The following CACNA2D1 variants were observed in gnomAD, a reference collection of about 807,000 sequenced individuals.
CACNA2D1 encodes the protein voltage-dependent calcium channel subunit alpha-2/delta-1.
Under a neutral mutation model 171.5 loss-of-function variants are expected in CACNA2D1, and 53 were observed. The ratio of observed to expected loss-of-function variants is 0.31; its 90% CI spans 0.25 to 0.39. The LOEUF (loss-of-function observed/expected upper bound fraction) is 0.39, where lower values mean the gene tolerates loss of function less well. Among genes scored for constraint, CACNA2D1 ranks in the 10% least tolerant of loss-of-function variants. The pLI is 1.00. For synonymous variants in CACNA2D1, 442 were observed against 443.1 expected (o/e 1.00, Z 0.03); for missense variants, 903 against 1,299.8 (o/e 0.69, Z 4.69).
intron 1 of CACNA2D1, among the ~76,000 whole-genome samples, chr7:82,426,282 C>G (rs916012617): frequency 6.6e-6 from 1 of 151,856 alleles, no homozygotes; most frequent in Non-Finnish European, 1.5e-5. Context: ...TTTGTATCCA[C>G]GTTGAGGATC....
intron 12 of CACNA2D1, among the ~76,000 whole-genome samples, chr7:82,025,841 C>G (rs933509893): frequency 1.3e-5 from 2 of 151,658 alleles, no homozygotes; most frequent in African/African-American, 4.8e-5. Flanking sequence ...CCAGATTGAT[C>G]ATCTGTCTGG....
chr7:82,046,452 T>C (rs1804570489), intron 10 of CACNA2D1, among the ~76,000 whole-genome samples: 1 of 152,132 alleles, frequency 6.6e-6, no homozygotes, highest in Admixed American at 6.6e-5. Context: ...AAAAGAAACA[T>C]ATTGAGAATG....
At chr7:81,955,897 T>G (rs1373622185) in intron 38 of CACNA2D1, among the ~76,000 whole-genome samples, 1 of 15,072 alleles carries the variant, frequency 6.6e-5, no homozygotes, top group Non-Finnish European at 1.5e-4. Context: ...AGGAAAATGT[T>G]ATTTTGGTGG....
At chr7:81,996,588 TA>T (rs1798070282) in intron 19 of CACNA2D1, among the ~76,000 whole-genome samples, 1 of 151,778 alleles carries the variant, frequency 6.6e-6, no homozygotes, top group African/African-American at 2.4e-5. Flanking sequence ...TAATTTGAAA[TA>T]AAAATACCTA....
rs1307545208 is a variant in CACNA2D1 at position 82,001,524 on chromosome 7, A to G, written c.1590+3899T>C. ...TCCAGCTTATTAAGAAATGATGCTC[A>G]TCTCATTTCATGCTCTGGAAGCTTG... On this transcript the variant is annotated intron_variant, in intron 18 of 38. Coordinates refer to ENST00000356860, the MANE Select transcript of CACNA2D1 (RefSeq NM_000722.4). The G allele has an allele frequency of 1.1e-5, 3 of 283,640 alleles. No homozygotes were observed. The Admixed American group carries it at 1.3e-4, about 12-fold the overall frequency. The allele number at this position is 283,640 out of a possible 1,614,324, so 17.6% of individuals were successfully genotyped here. A position where few individuals can be genotyped will look rare whatever the true frequency, so the allele number is the denominator to read the frequency against.
intron 3 of CACNA2D1, among the ~76,000 whole-genome samples, chr7:82,200,166 G>A (rs1357488214): frequency 6.6e-6 from 1 of 151,960 alleles, no homozygotes; most frequent in Admixed American, 6.6e-5. Context: ...AGCAAAATAT[G>A]GTATAGAAAT....
In CACNA2D1 at chr7:81,976,842, G is replaced by A. The variant is rs530397795; in HGVS notation, c.1956-2290C>T. 7.9e-5 allele frequency among the ~76,000 whole-genome samples: 12 copies of A among 152,162 alleles called. No individual in the cohort carries two copies. In the South Asian group the frequency reaches 1.5e-3, roughly 18 times the overall value. ...ACACTCCAGCCTGAGAAACAAAAGC[G>A]AGACTGTATCTCAAAAAATAAAAAA... On this transcript the variant is annotated intron_variant, in intron 24 of 38. Transcript: ENST00000356860.
At chr7:82,073,516 T>A (rs762486701) in intron 7 of CACNA2D1, among the ~76,000 whole-genome samples, 2 of 152,212 alleles carry the variant, frequency 1.3e-5, no homozygotes, top group Non-Finnish European at 1.5e-5. Context: ...TATTGTAATA[T>A]ACATAAAAAC....
rs4019047 is a variant in CACNA2D1, at chr7:82,012,254, G to GAAA, written c.1273-14_1273-12dup. 41,976 of 1,204,892 alleles carry GAAA rather than the reference G, an allele frequency of 0.035. 261 individuals carry two copies. Among genetic ancestry groups the GAAA allele is most frequent in the African/African-American group, 0.1 (6,403 of 62,250 alleles). 74.6% of individuals were successfully genotyped at this position (1,204,892 alleles called of 1,614,324 possible). A position where few individuals can be genotyped will look rare whatever the true frequency, so the allele number is the denominator to read the frequency against. On this transcript the variant is annotated splice_polypyrimidine_tract_variant and intron_variant, in intron 14 of 38. Transcript: ENST00000356860. The stretch of plus-strand genomic sequence containing the variant: ...AACATCCAAATATTCCTGTTTATGG[G>GAAA]AAAAAAAAAAAAAGTCGTGGTTAAA...
chr7:82,181,914 T>A (rs957368672), intron 3 of CACNA2D1, among the ~76,000 whole-genome samples: 4 of 152,208 alleles, frequency 2.6e-5, no homozygotes, highest in Admixed American at 6.5e-5. Context: ...GCATAATATA[T>A]TATTACAATC....
At chr7:82,291,331 TATAG>T (rs957089687) in intron 3 of CACNA2D1, among the ~76,000 whole-genome samples, 5 of 139,754 alleles carry the variant, frequency 3.6e-5, no homozygotes, top group Non-Finnish European at 4.6e-5. Context: ...TATTTAGATA[TATAG>T]ATATCTTTAT....
chr7:82,160,398 T>C (rs1794827299), intron 4 of CACNA2D1, among the ~76,000 whole-genome samples: 2 of 152,090 alleles, frequency 1.3e-5, no homozygotes, highest in Admixed American at 6.6e-5. Context: ...ATAAAAGTAT[T>C]GCTGATAAAA....
At chr7:82,280,680 T>A (rs1809977545) in intron 3 of CACNA2D1, among the ~76,000 whole-genome samples, 1 of 152,186 alleles carries the variant, frequency 6.6e-6, no homozygotes, top group Admixed American at 6.5e-5. Flanking sequence ...TTAATTATTT[T>A]AATTTAATTT....
At chr7:82,188,308 GC>G (rs1797967707) in intron 3 of CACNA2D1, among the ~76,000 whole-genome samples, 1 of 152,008 alleles carries the variant, frequency 6.6e-6, no homozygotes, top group African/African-American at 2.4e-5. Context: ...AAGGTAGGAA[GC>G]AAAAAAGGAA....
intron 3 of CACNA2D1, among the ~76,000 whole-genome samples, chr7:82,288,689 A>T (rs1811153016): frequency 6.6e-6 from 1 of 152,180 alleles, no homozygotes; most frequent in Non-Finnish European, 1.5e-5. Context: ...AGCTCTTCGT[A>T]ATTTCCCACC....
At chr7:82,432,551 G>A (rs1829777702) in intron 1 of CACNA2D1, among the ~76,000 whole-genome samples, 1 of 152,200 alleles carries the variant, frequency 6.6e-6, no homozygotes, top group South Asian at 2.1e-4. Flanking sequence ...ATGTTGCCCA[G>A]GCAAGATTTG....
intron 1 of CACNA2D1, among the ~76,000 whole-genome samples, chr7:82,424,556 A>AC (rs1829013112): frequency 6.6e-6 from 1 of 152,224 alleles, no homozygotes; most frequent in Non-Finnish European, 1.5e-5. Context: ...TTCAGGAAAG[A>AC]CCCAAGTATA....
chr7:82,186,255 A>AAGGAAGGAAGGAAGGAAGGAAGG (rs1563174157), intron 3 of CACNA2D1, among the ~76,000 whole-genome samples: 3 of 111,364 alleles, frequency 2.7e-5, no homozygotes, highest in Non-Finnish European at 5.5e-5. Context: ...AGGAAGGAAG[A>AAGGAAGGAAGGAAGGAAGGAAGG]AAGGAAGGAA....
At chr7:82,183,350 T>C (rs1166414070) in intron 3 of CACNA2D1, among the ~76,000 whole-genome samples, 1 of 152,082 alleles carries the variant, frequency 6.6e-6, no homozygotes, top group African/African-American at 2.4e-5. Context: ...TACACATAAA[T>C]TTAAAGAACT....
Sources: gnomAD v4.1 joint callset for allele counts (sites outside exome capture counted in the v4.1 genomes callset) on GRCh38, gnomAD v4.1.1 for gene constraint, MANE v1.5 for transcripts, NCBI Gene and HGNC (gene_info 2026-07-23, HGNC 2026-07-21) for gene names.